The following PLA2G4A variants were observed in gnomAD, a reference collection of about 807,000 sequenced individuals.
The protein encoded by PLA2G4A is phospholipase A2 group IVA.
In PLA2G4A, 40 loss-of-function variants were observed where a neutral mutation model predicts 81.9. The observed-to-expected ratio is 0.49, with a 90% confidence interval of 0.38 to 0.64. The LOEUF is 0.64. PLA2G4A is among the 30% of genes least tolerant of loss of function. The pLI is 0.00. For missense variants in PLA2G4A, 715 were observed against 905.1 expected (o/e 0.79, Z 2.69); for synonymous variants, 302 against 296.9 (o/e 1.02, Z -0.18).
At chr1:186,983,127 T>C (rs12068233) in intron 17 of PLA2G4A, among the ~76,000 whole-genome samples, 59,670 of 151,106 alleles carry the variant, frequency 0.39, 14,120 homozygotes, top group East Asian at 0.58. Context: ...AAACACATTT[T>C]TATCAGAATC....
chr1:186,942,010 G>A (rs1032946958), intron 10 of PLA2G4A, among the ~76,000 whole-genome samples: 48 of 152,244 alleles, frequency 3.2e-4, no homozygotes, highest in Admixed American at 2.9e-3. Flanking sequence ...AGAATGTTCT[G>A]TGAAAGCTGT....
rs778835783 is a variant in PLA2G4A, at chr1:186,934,461, T to TACACAC, written c.695+1563_695+1564insCACACA. Among the ~76,000 whole-genome samples, 1,091 of 137,710 alleles carry TACACAC rather than the reference T, an allele frequency of 7.9e-3. 13 individuals carry two copies. The highest frequency in any genetic ancestry group is 0.028 in the African/African-American group (1,039 of 37,342). The allele number at this position is 137,710 out of a possible 152,430, so 90.3% of individuals were successfully genotyped here. A position where few individuals can be genotyped will look rare whatever the true frequency, so the allele number is the denominator to read the frequency against. On this transcript the variant is annotated intron_variant, in intron 8 of 17. Transcript: ENST00000367466. ...ATGTGCACATATATATATATATATA[T>TACACAC]ATACATACACAGAGAGAGTAATTAA...
rs1656460691 is a variant in PLA2G4A at position 186,949,373 on chromosome 1, A to AG, written c.1265-1284_1265-1283insG. On this transcript the variant is annotated intron_variant, in intron 12 of 17. Transcript: ENST00000367466. ...GAAAGAAAGAAAGAGAAAGAAAGAA[A>AG]AGAAAGAAAGAAAGAAAAAAGAAAA... 2.4e-4 allele frequency among the ~76,000 whole-genome samples: 3 copies of AG among 12,270 alleles called. No individual in the cohort carries two copies. The African/African-American group carries it at 3.2e-3, about 13-fold the overall frequency. 8.0% of individuals were successfully genotyped at this position (12,270 alleles called of 152,430 possible).
At chr1:186,830,149 C>A (rs185657940) in intron 1 of PLA2G4A, among the ~76,000 whole-genome samples, 8 of 152,260 alleles carry the variant, frequency 5.3e-5, no homozygotes, top group Admixed American at 1.3e-4. Flanking sequence ...GTATTTACTT[C>A]TTTCATTAGC....
At chr1:186,874,746 C>T (rs1653407683) in intron 3 of PLA2G4A, among the ~76,000 whole-genome samples, 1 of 152,002 alleles carries the variant, frequency 6.6e-6, no homozygotes, top group African/African-American at 2.4e-5. Flanking sequence ...ATAAAAAATA[C>T]ATATGCTTGG....
At chr1:186,977,543 A>T in intron 15 of PLA2G4A, 50 bp from the exon 16 acceptor site, 1 of 1,260,872 alleles carries the variant, frequency 7.9e-7, no homozygotes, top group Non-Finnish European at 1.2e-6. Context: ...GACCAACTGA[A>T]TCAATGAAAA....
At chr1:186,917,871 G>A (rs183453062) in intron 7 of PLA2G4A, among the ~76,000 whole-genome samples, 3 of 152,234 alleles carry the variant, frequency 2.0e-5, no homozygotes, top group African/African-American at 7.2e-5. Flanking sequence ...GCCTCGCATT[G>A]TGCTGTCGGC....
At chr1:186,932,274 T>C (rs1415493847) in intron 7 of PLA2G4A, among the ~76,000 whole-genome samples, 1 of 149,952 alleles carries the variant, frequency 6.7e-6, no homozygotes, top group African/African-American at 2.4e-5. Flanking sequence ...TTTTCTTATA[T>C]GAAACATTCT....
intron 17 of PLA2G4A, among the ~76,000 whole-genome samples, chr1:186,987,975 T>C (rs1657939099): frequency 6.6e-6 from 1 of 152,216 alleles, no homozygotes; most frequent in African/African-American, 2.4e-5. Context: ...TTTACTTTCC[T>C]GGTGGTCTTT....
At chr1:186,874,562 C>T (rs1036227616) in intron 3 of PLA2G4A, among the ~76,000 whole-genome samples, 17 of 152,010 alleles carry the variant, frequency 1.1e-4, no homozygotes, top group African/African-American at 4.1e-4. Context: ...GATATATATA[C>T]TGAGGATTCT....
intron 3 of PLA2G4A, among the ~76,000 whole-genome samples, chr1:186,875,890 G>T (rs966152132): frequency 6.6e-6 from 1 of 152,126 alleles, no homozygotes; most frequent in Non-Finnish European, 1.5e-5. Flanking sequence ...AAATATGGCT[G>T]TTCTCCCAAA....
intron 8 of PLA2G4A, among the ~76,000 whole-genome samples, chr1:186,934,681 A>C (rs1655879049): frequency 6.6e-6 from 1 of 151,862 alleles, no homozygotes; most frequent in African/African-American, 2.4e-5. Flanking sequence ...TCACTCACAG[A>C]CCACTTAATT....
chr1:186,910,305 G>A (rs1654895551), intron 6 of PLA2G4A, among the ~76,000 whole-genome samples: 2 of 152,100 alleles, frequency 1.3e-5, no homozygotes, highest in Non-Finnish European at 2.9e-5. Context: ...ATGGTAAAGA[G>A]ACAAATATTT....
chr1:186,970,771 C>G (rs7546816), intron 15 of PLA2G4A, among the ~76,000 whole-genome samples: 5,948 of 151,768 alleles, frequency 0.039, 392 homozygotes, highest in African/African-American at 0.14. Context: ...TCTATATGTC[C>G]GTTTTTGTGC....
At chr1:186,930,000 T>G (rs1446063235) in intron 7 of PLA2G4A, among the ~76,000 whole-genome samples, 1 of 152,132 alleles carries the variant, frequency 6.6e-6, no homozygotes, top group African/African-American at 2.4e-5. Context: ...AAGACCATCC[T>G]GGGCAACATG....
intron 15 of PLA2G4A, among the ~76,000 whole-genome samples, chr1:186,967,346 G>A (rs1288933520): frequency 2.6e-5 from 4 of 152,090 alleles, no homozygotes; most frequent in Non-Finnish European, 5.9e-5. Flanking sequence ...CACAGCCCAC[G>A]ACCTGGCTAG....
intron 10 of PLA2G4A, among the ~76,000 whole-genome samples, chr1:186,941,663 T>A (rs1471451123): frequency 6.6e-6 from 1 of 152,234 alleles, no homozygotes; most frequent in Non-Finnish European, 1.5e-5. Flanking sequence ...TTCTGATGTG[T>A]ACATAGTGAT....
intron 1 of PLA2G4A, among the ~76,000 whole-genome samples, chr1:186,848,832 T>C (rs2102018968): frequency 6.6e-6 from 1 of 152,188 alleles, no homozygotes. Context: ...AGCATATTTC[T>C]TGCTTTGGAT....
chr1:186,870,424 T>C lies in PLA2G4A; in HGVS notation c.34-11T>C. The C allele has an allele frequency of 6.5e-7, 1 of 1,537,964 alleles. No individual in the cohort carries two copies. Among genetic ancestry groups the C allele is most frequent in the South Asian group, 1.1e-5 (1 of 89,514 alleles). ...AAGCTTATTTTAAATTTACTGTCAT[T>C]TTATTTCCAGGTGGAGCACCAGTAT... On this transcript the variant is annotated splice_polypyrimidine_tract_variant and intron_variant, in intron 2 of 17. Coordinates refer to ENST00000367466, the MANE Select transcript of PLA2G4A (RefSeq NM_024420.3).
Sources: allele counts gnomAD v4.1 joint callset (sites outside exome capture counted in the v4.1 genomes callset), GRCh38; gene constraint gnomAD v4.1.1; transcripts MANE v1.5; gene names NCBI Gene and HGNC (gene_info 2026-07-23, HGNC 2026-07-21).